The following SCN11A variants were observed in gnomAD, a reference collection of about 807,000 sequenced individuals.
The protein encoded by SCN11A is sodium channel protein type 11 subunit alpha.
A neutral mutation model predicts 162.2 loss-of-function variants in SCN11A; 122 were observed. The observed-to-expected ratio is 0.75, with a 90% CI of 0.65 to 0.87. The LOEUF is 0.87. Ranked by LOEUF, SCN11A falls within the 40% of genes least tolerant of loss-of-function variation. SCN11A has a pLI of 0.00. For missense variants in SCN11A, 2,015 were observed against 2,181.6 expected, an observed-to-expected ratio of 0.92 and a Z score of 1.52; for synonymous variants, 758 against 751.5, an observed-to-expected ratio of 1.01 and a Z score of -0.14.
chr3:38,950,715 A>T (rs1038143110), intron 4 of SCN11A, among the ~76,000 whole-genome samples: 1 of 152,218 alleles, frequency 6.6e-6, no homozygotes, highest in Non-Finnish European at 1.5e-5. Context: ...GAGCCGGCTG[A>T]ACTGCTGAAG....
chr3:38,886,534 A>G (rs1045240457), intron 19 of SCN11A, among the ~76,000 whole-genome samples: 4 of 152,210 alleles, frequency 2.6e-5, no homozygotes, highest in Admixed American at 1.3e-4. Flanking sequence ...GAGATTTAAT[A>G]TAATTTACAT....
intron 2 of SCN11A, among the ~76,000 whole-genome samples, chr3:38,982,804 G>A (rs72855786): frequency 0.019 from 2,827 of 152,158 alleles, 92 homozygotes; most frequent in African/African-American, 0.064. Context: ...CAGGATCCTG[G>A]GCTGTCATGT....
At chr3:38,944,956 C>T (rs1388078664) in intron 7 of SCN11A, among the ~76,000 whole-genome samples, 2 of 147,696 alleles carry the variant, frequency 1.4e-5, no homozygotes, top group Admixed American at 6.7e-5. Flanking sequence ...AGAGCAAAAC[C>T]CTGTCTCAAA....
intron 7 of SCN11A, among the ~76,000 whole-genome samples, chr3:38,943,799 C>G (rs1012941065): frequency 6.6e-6 from 1 of 151,766 alleles, no homozygotes; most frequent in Non-Finnish European, 1.5e-5. Flanking sequence ...ATGGTGGTTA[C>G]CAGAGATGGG....
chr3:39,039,798 C>A (rs915115341), intron 1 of SCN11A, among the ~76,000 whole-genome samples: 1 of 152,120 alleles, frequency 6.6e-6, no homozygotes, highest in African/African-American at 2.4e-5. Context: ...GCTGTCACCA[C>A]TGGAGACCCT....
At chr3:38,908,627 G>A (rs1404617811) in intron 13 of SCN11A, among the ~76,000 whole-genome samples, 1 of 152,104 alleles carries the variant, frequency 6.6e-6, no homozygotes, top group East Asian at 1.9e-4. Flanking sequence ...TCCACCTCAA[G>A]CAAAGGCGCC....
chr3:38,869,652 C>T (rs190314717), intron 26 of SCN11A, among the ~76,000 whole-genome samples: 55 of 152,264 alleles, frequency 3.6e-4, no homozygotes, highest in Non-Finnish European at 6.9e-4. Flanking sequence ...TCCCTCGGTG[C>T]TGCTATAACA....
At chr3:38,878,438 ACCCAGGCTCCTAAAT>A (rs1286255699) in intron 23 of SCN11A, among the ~76,000 whole-genome samples, 2 of 152,010 alleles carry the variant, frequency 1.3e-5, no homozygotes, top group African/African-American at 2.4e-5. Flanking sequence ...TAGCTTTAGG[ACCCAGGCTCCTAAAT>A]GTAGGGCTTG....
At chr3:38,927,954 A>G (rs72855728) in intron 7 of SCN11A, among the ~76,000 whole-genome samples, 5,334 of 152,288 alleles carry the variant, frequency 0.035, 199 homozygotes, top group East Asian at 0.18. Flanking sequence ...AGACCAACGG[A>G]ATAGAATAGA....
chr3:38,963,424 G>GAT (rs60520043), intron 2 of SCN11A, among the ~76,000 whole-genome samples: 19,481 of 61,056 alleles, frequency 0.32, 4,361 homozygotes, highest in Non-Finnish European at 0.38. Context: ...ATATGATGGA[G>GAT]ATATATATAT....
intron 7 of SCN11A, among the ~76,000 whole-genome samples, chr3:38,941,527 T>C (rs1365870700): frequency 6.6e-6 from 1 of 152,222 alleles, no homozygotes; most frequent in Non-Finnish European, 1.5e-5. Flanking sequence ...GTTGGGTTTA[T>C]TGTGTACATT....
intron 28 of SCN11A, among the ~76,000 whole-genome samples, chr3:38,860,216 C>T (rs1353906392): frequency 1.3e-5 from 2 of 152,140 alleles, no homozygotes; most frequent in East Asian, 1.9e-4. Context: ...CTCGGGGAGA[C>T]TGATTTGAGT....
At chr3:38,996,033 T>C (rs753445125) in intron 2 of SCN11A, among the ~76,000 whole-genome samples, 2 of 152,164 alleles carry the variant, frequency 1.3e-5, no homozygotes, top group African/African-American at 2.4e-5. Flanking sequence ...TCTCTCTTTC[T>C]GTCTACTATG....
chr3:39,027,790 G>T (rs1208915492), intron 2 of SCN11A, among the ~76,000 whole-genome samples: 2 of 152,150 alleles, frequency 1.3e-5, no homozygotes, highest in Admixed American at 6.5e-5. Flanking sequence ...GATTAAAGCT[G>T]GCATTTTACC....
chr3:38,943,051 A>G (rs576364840), intron 7 of SCN11A, among the ~76,000 whole-genome samples: 2 of 152,160 alleles, frequency 1.3e-5, no homozygotes, highest in African/African-American at 4.8e-5. Context: ...TAATAGCCCT[A>G]AACTGGAAAT....
chr3:38,993,429 T>C (rs2030516321), intron 2 of SCN11A, among the ~76,000 whole-genome samples: 1 of 152,216 alleles, frequency 6.6e-6, no homozygotes, highest in Non-Finnish European at 1.5e-5. Context: ...CTCAGAGTTA[T>C]GCTAGCCTTG....
At chr3:38,910,311 G>T in intron 11 of SCN11A, 104 bp from the exon 12 acceptor site, 1 of 1,171,396 alleles carries the variant, frequency 8.5e-7, no homozygotes. Flanking sequence ...GATCACACCA[G>T]GAGCCCTAGA....
At chr3:38,918,835 A>G (rs1036663770) in intron 11 of SCN11A, among the ~76,000 whole-genome samples, 1 of 152,228 alleles carries the variant, frequency 6.6e-6, no homozygotes, top group African/African-American at 2.4e-5. Flanking sequence ...CATCACCCTT[A>G]TAACACTCAT....
intron 16 of SCN11A, among the ~76,000 whole-genome samples, chr3:38,902,074 G>A (rs1483680858): frequency 6.6e-6 from 1 of 152,142 alleles, no homozygotes; most frequent in East Asian, 1.9e-4. Context: ...CTGCAATTGG[G>A]AAGCCCTGTC....
Sources: allele counts gnomAD v4.1 joint callset (sites outside exome capture counted in the v4.1 genomes callset), GRCh38; gene constraint gnomAD v4.1.1; transcripts MANE v1.5; gene names NCBI Gene and HGNC (gene_info 2026-07-23, HGNC 2026-07-21).